Variants in C4orf50 observed in about 807,000 individuals in gnomAD.
C4orf50 encodes the protein chromosome 4 open reading frame 50.
In C4orf50, 80 loss-of-function variants were observed where a neutral mutation model predicts 77.2. The observed-to-expected ratio is 1.04, with a 90% confidence interval of 0.87 to 1.25. The LOEUF (loss-of-function observed/expected upper bound fraction) is 1.25, where lower values mean the gene tolerates loss of function less well. C4orf50 is among the 50% of genes most tolerant of loss of function. The pLI, the probability that C4orf50 is intolerant of heterozygous loss-of-function variation, is 0.00. For missense variants in C4orf50, 1,257 were observed against 1,152.9 expected, an observed-to-expected ratio of 1.09 and a Z score of -1.31; for synonymous variants, 532 against 465.3, an observed-to-expected ratio of 1.14 and a Z score of -1.84.
At chr4:5,920,259 A>C (rs1314454452) in intron 7 of C4orf50, among the ~76,000 whole-genome samples, 1 of 152,186 alleles carries the variant, frequency 6.6e-6, no homozygotes, top group Non-Finnish European at 1.5e-5. Context: ...CCAGGTTCAA[A>C]TCCCACCTCT....
intron 28 of C4orf50, among the ~76,000 whole-genome samples, chr4:5,986,880 T>C (rs1041241810): frequency 3.9e-5 from 6 of 152,172 alleles, no homozygotes; most frequent in South Asian, 2.1e-4. Context: ...TAAATGATAG[T>C]ATATAAATTT....
intron 7 of C4orf50, among the ~76,000 whole-genome samples, chr4:5,933,601 G>A (rs1282021660): frequency 6.6e-6 from 1 of 152,232 alleles, no homozygotes; most frequent in Non-Finnish European, 1.5e-5. Flanking sequence ...CCAGCACTCG[G>A]CCAGCACAGA....
chr4:5,998,773 G>T (rs945014666), intron 25 of C4orf50, among the ~76,000 whole-genome samples: 1 of 152,258 alleles, frequency 6.6e-6, no homozygotes, highest in African/African-American at 2.4e-5. Context: ...TGGAGGGCAA[G>T]GTTCATGCCT....
chr4:5,913,835 C>T (rs958520772), intron 7 of C4orf50, among the ~76,000 whole-genome samples: 1 of 152,188 alleles, frequency 6.6e-6, no homozygotes, highest in Non-Finnish European at 1.5e-5. Context: ...AATTTCTGAA[C>T]CAACAATAGG....
rs752454617 is a variant in C4orf50 at position 5,916,872 on chromosome 4, G to T, written c.*2475-18684C>A. Among the ~76,000 whole-genome samples the T allele has an allele frequency of 6.6e-6, 1 of 152,184 alleles. No individual in the cohort carries two copies. ...CTGAGCTTGCCAGCAACAAAGCACT[G>T]CAGCTGAGAGCAGAGGCAGGCTGGG... is the stretch of plus-strand genomic sequence containing the variant. On this transcript the variant is annotated intron_variant, in intron 7 of 7. Coordinates refer to the C4orf50 transcript ENST00000324058. This position sits in a 1 kb window ranked among gnomAD's most constrained non-coding sequence, Gnocchi z 4.4.
At position 5,919,209 on chromosome 4, in the gene C4orf50, G is replaced by A. The variant is rs1189256979; in HGVS notation, c.*2475-21021C>T. ...CAGGGCCCCTGGCTGTGCCATTTCC[G>A]GAGCTGAATGTATTCAGGGGCCTGT... is the stretch of plus-strand genomic sequence containing the variant. On this transcript the variant is annotated intron_variant, in intron 7 of 7. Transcript: ENST00000324058. This position sits in a 1 kb window ranked among gnomAD's most constrained non-coding sequence, Gnocchi z 6.5. Among the ~76,000 whole-genome samples, 4 of 152,128 alleles carry A rather than the reference G, an allele frequency of 2.6e-5. No homozygotes were observed. The highest frequency in any genetic ancestry group is 4.4e-5 in the Non-Finnish European group (3 of 68,024).
At position 6,009,966 on chromosome 4, in the gene C4orf50, C is replaced by T. The variant is rs1351499156; in HGVS notation, c.427-1434G>A. ...ACATGAGACAGATTTAATAAGACGA[C>T]GCGTGTAGAAAAGGGCTTAGTGTTC... On this transcript the variant is annotated intron_variant, in intron 24 of 33. Transcript: ENST00000531445. The surrounding 1 kb of genome is among the most constrained non-coding windows in gnomAD (Gnocchi z 5.6). Among the ~76,000 whole-genome samples the T allele has an allele frequency of 6.6e-6, 1 of 152,062 alleles. No homozygotes were observed. Among genetic ancestry groups the T allele is most frequent in the Non-Finnish European group, 1.5e-5 (1 of 68,016 alleles).
chr4:5,981,470 C>T (rs6847117), intron 28 of C4orf50, among the ~76,000 whole-genome samples: 51,849 of 147,874 alleles, frequency 0.35, 11,501 homozygotes, highest in African/African-American at 0.65. Context: ...AATGGCATGA[C>T]CTCGGCTCAC....
chr4:6,006,727 G>A (rs745498675), intron 25 of C4orf50, among the ~76,000 whole-genome samples: 12 of 152,174 alleles, frequency 7.9e-5, no homozygotes, highest in Non-Finnish European at 1.3e-4. Context: ...GTCACACAGC[G>A]AGTAAATATG....
chr4:5,926,721 TG>T (rs1331354042), intron 7 of C4orf50, among the ~76,000 whole-genome samples: 1 of 151,818 alleles, frequency 6.6e-6, no homozygotes, highest in Non-Finnish European at 1.5e-5. Context: ...AATAAAGTGG[TG>T]GAAATAAACC....
intron 23 of C4orf50, among the ~76,000 whole-genome samples, chr4:6,012,378 G>A (rs536884468): frequency 1.3e-5 from 2 of 152,158 alleles, no homozygotes; most frequent in Admixed American, 6.5e-5. Flanking sequence ...GGATCAGAGG[G>A]GGCAGACTTT....
chr4:6,000,291 C>T lies in C4orf50; in HGVS notation c.964-5815G>A, dbSNP rs1258042251. Among the ~76,000 whole-genome samples the T allele has an allele frequency of 1.3e-5, 2 of 152,126 alleles. No homozygotes were observed. Among genetic ancestry groups the T allele is most frequent in the African/African-American group, 4.8e-5 (2 of 41,430 alleles). ...GCCACTGAGGCTCATGCAATTTCCA[C>T]CAAGACATGAAGAGCCGCATCTGGC... On this transcript the variant is annotated intron_variant, in intron 25 of 33. Transcript: ENST00000531445. The surrounding 1 kb of genome is among the most constrained non-coding windows in gnomAD (Gnocchi z 6.0).
chr4:5,994,343 G>A lies in C4orf50; in HGVS notation c.1093+4C>T, dbSNP rs1018957441. 1.7e-4 allele frequency: 68 copies of A among 399,130 alleles called. No individual in the cohort carries two copies. The Admixed American group carries it at 1.8e-3, about 11-fold the overall frequency. 24.7% of individuals were successfully genotyped at this position (399,130 alleles called of 1,614,324 possible). A position where few individuals can be genotyped will look rare whatever the true frequency, so the allele number is the denominator to read the frequency against. ...GTCCTCCACGCACCGCGGTACCCGC[G>A]CACCTGCTGGGGCCCTTTGTCTGGG... On this transcript the variant is annotated splice_donor_region_variant and intron_variant, in intron 26 of 33. Coordinates refer to ENST00000531445, the Ensembl canonical transcript of C4orf50.
At chr4:5,973,795 A>G (rs746190694) in exon 31 of C4orf50, 2 of 1,613,612 alleles carry the variant, frequency 1.2e-6, no homozygotes, top group Non-Finnish European at 1.7e-6. Flanking sequence ...GTGGGTGATC[A>G]GGCGGTTCCT....
intron 31 of C4orf50, among the ~76,000 whole-genome samples, chr4:5,972,721 C>T (rs1013969458): frequency 5.9e-5 from 9 of 152,214 alleles, no homozygotes; most frequent in Non-Finnish European, 5.9e-5. Context: ...CTGGAGGGAC[C>T]ATGGAAAACA....
intron 7 of C4orf50, among the ~76,000 whole-genome samples, chr4:5,923,805 T>A (rs1464062032): frequency 6.6e-6 from 1 of 152,192 alleles, no homozygotes; most frequent in Non-Finnish European, 1.5e-5. Context: ...CCTGGGTGTG[T>A]CTGTGAGGGT....
At position 5,983,117 on chromosome 4, in the gene C4orf50, T is replaced by C. The variant is rs1005138166; in HGVS notation, c.3700-2779A>G. The stretch of plus-strand genomic sequence containing the variant: ...CTCCAGCTCCACTTTTCACTGCAAA[T>C]TCCTCAACCCCAGTGTCACCTCTTG... On this transcript the variant is annotated intron_variant, in intron 28 of 33. Coordinates refer to ENST00000531445, the Ensembl canonical transcript of C4orf50. 5.3e-5 allele frequency among the ~76,000 whole-genome samples: 8 copies of C among 152,160 alleles called. No homozygotes were observed. In the East Asian group the frequency reaches 1.5e-3, roughly 29 times the overall value.
chr4:5,923,651 C>T (rs116454169), intron 7 of C4orf50, among the ~76,000 whole-genome samples: 3,084 of 152,232 alleles, frequency 0.02, 57 homozygotes, highest in South Asian at 0.043. Context: ...ATGTGGGAGG[C>T]TGTGTGGTCA....
chr4:5,915,231 T>G (rs2108733293), intron 7 of C4orf50, among the ~76,000 whole-genome samples: 1 of 152,312 alleles, frequency 6.6e-6, no homozygotes, highest in Non-Finnish European at 1.5e-5. Context: ...CAGGACCCCC[T>G]TCATCTTGCC....
Sources: allele counts gnomAD v4.1 joint callset (sites outside exome capture counted in the v4.1 genomes callset), GRCh38; gene constraint gnomAD v4.1.1; non-coding constraint Gnocchi (gnomAD v3.1); transcripts MANE v1.5; gene names NCBI Gene and HGNC (gene_info 2026-07-23, HGNC 2026-07-21).